Variants in IRF2 observed in about 807,000 individuals in gnomAD.
IRF2 encodes interferon regulatory factor 2.
Under a neutral mutation model 40.6 loss-of-function variants are expected in IRF2, and 15 were observed. The ratio of observed to expected loss-of-function variants is 0.37; its 90% CI spans 0.25 to 0.57. The LOEUF (loss-of-function observed/expected upper bound fraction) is 0.57. Ranked by LOEUF, IRF2 falls within the 20% of genes least tolerant of loss-of-function variation. The pLI is 0.77. For missense variants in IRF2, 317 were observed against 455.7 expected, an observed-to-expected ratio of 0.70 and a Z score of 2.77; for synonymous variants, 151 against 165.5, an observed-to-expected ratio of 0.91 and a Z score of 0.67.
At chr4:184,431,401 G>A (rs1316712278) in intron 1 of IRF2, among the ~76,000 whole-genome samples, 1 of 152,210 alleles carries the variant, frequency 6.6e-6, no homozygotes, top group Non-Finnish European at 1.5e-5. Flanking sequence ...GAGGTACCAT[G>A]CCCCATGAAG....
chr4:184,440,153 T>C (rs1313660271), intron 1 of IRF2, among the ~76,000 whole-genome samples: 2 of 152,194 alleles, frequency 1.3e-5, no homozygotes, highest in Non-Finnish European at 2.9e-5. Flanking sequence ...CAGTAGCCAC[T>C]TCCCTGGCCC....
intron 7 of IRF2, among the ~76,000 whole-genome samples, chr4:184,398,208 A>G (rs1736535740): frequency 6.6e-6 from 1 of 152,208 alleles, no homozygotes; most frequent in Admixed American, 6.5e-5. Flanking sequence ...TCAGAAATGA[A>G]GGAACAGGAA....
At chr4:184,460,420 T>C (rs1739091812) in intron 1 of IRF2, among the ~76,000 whole-genome samples, 1 of 152,224 alleles carries the variant, frequency 6.6e-6, no homozygotes, top group East Asian at 1.9e-4. Context: ...ACCTTGTGAA[T>C]GTAATTAACG....
At chr4:184,429,118 G>T in intron 1 of IRF2, 48 bp from the exon 2 acceptor site, 4 of 1,458,486 alleles carry the variant, frequency 2.7e-6, no homozygotes, top group Admixed American at 1.7e-5. Flanking sequence ...ACTCAGTGTG[G>T]TGTCTGCACT....
intron 7 of IRF2, among the ~76,000 whole-genome samples, chr4:184,391,675 C>T (rs1372250313): frequency 1.3e-5 from 2 of 152,254 alleles, no homozygotes; most frequent in African/African-American, 4.8e-5. Context: ...GACTCTGCAG[C>T]AGAGGACCCA....
chr4:184,406,127 A>G (rs1055308462), intron 6 of IRF2, among the ~76,000 whole-genome samples: 11 of 152,156 alleles, frequency 7.2e-5, no homozygotes, highest in African/African-American at 2.7e-4. Flanking sequence ...TAAGGGGTGA[A>G]CAACTCAGCT....
At chr4:184,418,335 A>G in intron 4 of IRF2, 122 bp from the exon 5 acceptor site, 1 of 981,194 alleles carries the variant, frequency 1.0e-6, no homozygotes, top group Non-Finnish European at 1.6e-6. Context: ...GTACATGGTC[A>G]AAATTCCACA....
chr4:184,432,710 A>G (rs1272519716), intron 1 of IRF2, among the ~76,000 whole-genome samples: 2 of 152,212 alleles, frequency 1.3e-5, no homozygotes, highest in African/African-American at 2.4e-5. Flanking sequence ...ACACAGACAC[A>G]GAGAAGAATG....
At chr4:184,439,702 C>T (rs766642130) in intron 1 of IRF2, among the ~76,000 whole-genome samples, 4 of 152,206 alleles carry the variant, frequency 2.6e-5, no homozygotes, top group Admixed American at 6.5e-5. Context: ...CTATTAGGCA[C>T]GTTTTCTATA....
chr4:184,394,482 A>G (rs1244559914), intron 7 of IRF2, among the ~76,000 whole-genome samples: 1 of 152,202 alleles, frequency 6.6e-6, no homozygotes, highest in African/African-American at 2.4e-5. Context: ...CATATTCTCA[A>G]TTACTTTCAC....
chr4:184,441,339 A>C (rs1738296185), intron 1 of IRF2, among the ~76,000 whole-genome samples: 1 of 152,230 alleles, frequency 6.6e-6, no homozygotes, highest in African/African-American at 2.4e-5. Context: ...GCTACCATGA[A>C]TGAGGAAAGC....
chr4:184,412,352 AGAG>A (rs760793250), intron 5 of IRF2, among the ~76,000 whole-genome samples: 1 of 152,094 alleles, frequency 6.6e-6, no homozygotes, highest in Non-Finnish European at 1.5e-5. Flanking sequence ...GACCAGAGTT[AGAG>A]GACAGCAGAG....
intron 5 of IRF2, among the ~76,000 whole-genome samples, chr4:184,410,278 G>T (rs1329422586): frequency 1.3e-5 from 2 of 152,356 alleles, no homozygotes; most frequent in East Asian, 1.9e-4. Flanking sequence ...CCACGTCATA[G>T]GGATAAGGTG....
chr4:184,457,697 C>G (rs933533095), intron 1 of IRF2, among the ~76,000 whole-genome samples: 1 of 152,158 alleles, frequency 6.6e-6, no homozygotes, highest in African/African-American at 2.4e-5. Flanking sequence ...CAGTCCTTCC[C>G]GCAATGGACC....
rs200334992 is a variant in IRF2, at chr4:184,463,658, ATT to A, written c.-7+10719_-7+10720del. Among the ~76,000 whole-genome samples, 33 of 147,872 alleles carry A rather than the reference ATT, an allele frequency of 2.2e-4. No individual in the cohort carries two copies. The South Asian group carries it at 5.6e-3, about 25-fold the overall frequency. ...TGGACAATATCGTGCATATATATAT[ATT>A]TTTTTTTTGATGGGCTGTGGTACGG... On this transcript the variant is annotated intron_variant, in intron 1 of 8. Coordinates refer to ENST00000393593, the MANE Select transcript of IRF2 (RefSeq NM_002199.4).
intron 1 of IRF2, among the ~76,000 whole-genome samples, chr4:184,459,926 C>T (rs1221951705): frequency 6.6e-6 from 1 of 152,164 alleles, no homozygotes; most frequent in Non-Finnish European, 1.5e-5. Context: ...CAAAATGGTA[C>T]AGCTATGGAA....
chr4:184,399,396 C>T (rs939238784), intron 6 of IRF2, among the ~76,000 whole-genome samples: 47 of 152,246 alleles, frequency 3.1e-4, no homozygotes, highest in African/African-American at 7.5e-4. Flanking sequence ...GGACCAGAGG[C>T]GGCATCCAGC....
At chr4:184,442,900 G>A (rs1193357707) in intron 1 of IRF2, among the ~76,000 whole-genome samples, 1 of 130,112 alleles carries the variant, frequency 7.7e-6, no homozygotes, top group Non-Finnish European at 1.7e-5. Flanking sequence ...GGGGGTGGGG[G>A]TGGTGGGGGC....
chr4:184,464,920 C>G (rs909768330), intron 1 of IRF2, among the ~76,000 whole-genome samples: 11 of 151,804 alleles, frequency 7.2e-5, no homozygotes, highest in African/African-American at 2.7e-4. Flanking sequence ...CTGTCCCTGT[C>G]AACAAAGTGT....
Sources: allele counts gnomAD v4.1 joint callset (sites outside exome capture counted in the v4.1 genomes callset), GRCh38; gene constraint gnomAD v4.1.1; transcripts MANE v1.5; gene names NCBI Gene and HGNC (gene_info 2026-07-23, HGNC 2026-07-21).